XRCC4: variants seen among roughly 807,000 people sequenced by gnomAD.
The protein encoded by XRCC4 is X-ray repair cross complementing 4.
XRCC4 carries 28 observed loss-of-function variants against 39.1 expected under a neutral mutation model. That is an observed-to-expected ratio of 0.72 (90% CI 0.53 to 0.98). The LOEUF (loss-of-function observed/expected upper bound fraction) is 0.98. Ranked by LOEUF, XRCC4 falls within the 50% of genes least tolerant of loss-of-function variation. The pLI is 0.00. For missense variants in XRCC4, 350 were observed against 376.4 expected, an observed-to-expected ratio of 0.93 and a Z score of 0.58; for synonymous variants, 123 against 126.4, an observed-to-expected ratio of 0.97 and a Z score of 0.18.
chr5:83,165,887 C>CT (rs34887034), intron 3 of XRCC4, among the ~76,000 whole-genome samples: 9,848 of 125,740 alleles, frequency 0.078, 541 homozygotes, highest in Non-Finnish European at 0.12. Flanking sequence ...TTTTTTCTTT[C>CT]TTTTTTTTTT....
At chr5:83,243,825 G>A (rs1264517849) in intron 6 of XRCC4, among the ~76,000 whole-genome samples, 1 of 152,112 alleles carries the variant, frequency 6.6e-6, no homozygotes, top group Non-Finnish European at 1.5e-5. Flanking sequence ...GAGAAGGGAA[G>A]GACAAAACAG....
chr5:83,098,337 G>A lies in XRCC4; in HGVS notation c.-10-6573G>A, dbSNP rs181433585. On this transcript the variant is annotated intron_variant, in intron 1 of 7. Transcript: ENST00000396027. ...TAAGATTATGTTAGCAGTTATAACT[G>A]TATTTTACTACCTTATGGTGACTAA... is the stretch of plus-strand genomic sequence containing the variant. Among the ~76,000 whole-genome samples the A allele has an allele frequency of 2.4e-3, 371 of 152,202 alleles. 1 individual carries two copies. The highest frequency in any genetic ancestry group is 8.5e-3 in the African/African-American group (354 of 41,572).
At chr5:83,236,238 CA>C (rs1752682405) in intron 6 of XRCC4, among the ~76,000 whole-genome samples, 1 of 152,066 alleles carries the variant, frequency 6.6e-6, no homozygotes. Flanking sequence ...TGTAGAACCA[CA>C]AAAGACTATC....
At chr5:83,241,553 G>T (rs1752910883) in intron 6 of XRCC4, among the ~76,000 whole-genome samples, 1 of 151,914 alleles carries the variant, frequency 6.6e-6, no homozygotes, top group Admixed American at 6.6e-5. Flanking sequence ...AGATAAGAAG[G>T]TTCAAAACTT....
At chr5:83,186,283 G>A (rs527470676) in intron 3 of XRCC4, among the ~76,000 whole-genome samples, 5 of 152,232 alleles carry the variant, frequency 3.3e-5, no homozygotes, top group East Asian at 1.9e-4. Context: ...GGAGAAAACC[G>A]TGAATTTTGA....
In XRCC4 at chr5:83,111,065, G is replaced by A; in HGVS notation, c.177G>A (p.Met59Ile). 6.2e-7 allele frequency: 1 copy of A among 1,610,532 alleles called. No homozygotes were observed. The highest frequency in any genetic ancestry group is 2.2e-5 in the East Asian group (1 of 44,608). The change falls in exon 3 of 8, where the codon ATG becomes ATA. Residue 59 changes from methionine (M) to isoleucine (I), a missense_variant. Met to Ile is a conservative substitution (Grantham distance 10). Transcript: ENST00000396027. ...AGATTTCCCAAGAAGCTGATGACAT[G>A]GCAATGGAAAAAGGGAAATATGTTG... ...ESEISQEADD[M>I]AMEKGKYVGE...
At chr5:83,180,807 T>C (rs1580337095) in intron 3 of XRCC4, among the ~76,000 whole-genome samples, 1 of 152,154 alleles carries the variant, frequency 6.6e-6, no homozygotes, top group Non-Finnish European at 1.5e-5. Context: ...AAGAATACTT[T>C]TATATTCATT....
intron 1 of XRCC4, among the ~76,000 whole-genome samples, chr5:83,104,237 A>AT (rs373534234): frequency 5.3e-5 from 8 of 151,872 alleles, no homozygotes; most frequent in South Asian, 2.1e-4. Flanking sequence ...GGGTTGTGAG[A>AT]TTTTTTTTCC....
chr5:83,113,123 A>C (rs773792520), intron 3 of XRCC4, among the ~76,000 whole-genome samples: 1 of 152,230 alleles, frequency 6.6e-6, no homozygotes, highest in Non-Finnish European at 1.5e-5. Flanking sequence ...TACTTCCCAG[A>C]TACAATGAGG....
At chr5:83,262,120 T>C (rs1753774163) in intron 7 of XRCC4, among the ~76,000 whole-genome samples, 1 of 152,152 alleles carries the variant, frequency 6.6e-6, no homozygotes, top group South Asian at 2.1e-4. Flanking sequence ...TTATATGTTA[T>C]CTCTCATTTA....
At chr5:83,127,915 C>T (rs1362987862) in intron 3 of XRCC4, among the ~76,000 whole-genome samples, 1 of 149,614 alleles carries the variant, frequency 6.7e-6, no homozygotes, top group Non-Finnish European at 1.5e-5. Context: ...AAGAGCATTG[C>T]TCTGCCTTCT....
At chr5:83,177,182 C>T (rs1361735037) in intron 3 of XRCC4, among the ~76,000 whole-genome samples, 7 of 151,916 alleles carry the variant, frequency 4.6e-5, no homozygotes, top group Non-Finnish European at 1.0e-4. Context: ...GATTTTTGTT[C>T]CTTTATTTTG....
intron 1 of XRCC4, among the ~76,000 whole-genome samples, chr5:83,101,076 G>T (rs541407303): frequency 5.3e-5 from 8 of 152,056 alleles, no homozygotes; most frequent in African/African-American, 1.9e-4. Flanking sequence ...AATTGATGGG[G>T]CTATAAGGAT....
chr5:83,300,686 C>T (rs532284089), intron 7 of XRCC4, among the ~76,000 whole-genome samples: 5 of 151,376 alleles, frequency 3.3e-5, no homozygotes, highest in East Asian at 3.9e-4. Flanking sequence ...ACCCATCAAC[C>T]GGTCATCTAC....
chr5:83,083,863 A>G (rs536119562), intron 1 of XRCC4, among the ~76,000 whole-genome samples: 30 of 152,092 alleles, frequency 2.0e-4, no homozygotes, highest in South Asian at 1.2e-3. Context: ...TCACCTGACC[A>G]TTTCTCTTTA....
intron 3 of XRCC4, among the ~76,000 whole-genome samples, chr5:83,182,366 ATTAAT>A (rs1484730137): frequency 6.6e-6 from 1 of 152,160 alleles, no homozygotes; most frequent in African/African-American, 2.4e-5. Context: ...CTCTTGGTGT[ATTAAT>A]TTATCTTCTA....
At chr5:83,141,536 G>A (rs1221913875) in intron 3 of XRCC4, among the ~76,000 whole-genome samples, 1 of 151,964 alleles carries the variant, frequency 6.6e-6, no homozygotes, top group Non-Finnish European at 1.5e-5. Context: ...TGTTGTTTTA[G>A]TTTGCATTTT....
intron 6 of XRCC4, among the ~76,000 whole-genome samples, chr5:83,218,062 T>TATATATA (rs1554065873): frequency 0.035 from 5,149 of 147,552 alleles, 307 homozygotes; most frequent in African/African-American, 0.12. Flanking sequence ...TTTACCTTTT[T>TATATATA]TATATATATA....
At chr5:83,257,289 A>C (rs1192188842) in intron 6 of XRCC4, among the ~76,000 whole-genome samples, 2 of 150,894 alleles carry the variant, frequency 1.3e-5, no homozygotes, top group African/African-American at 4.9e-5. Flanking sequence ...CAATTTACCC[A>C]TCTGACAAAG....
Sources: allele counts gnomAD v4.1 joint callset (sites outside exome capture counted in the v4.1 genomes callset), GRCh38; gene constraint gnomAD v4.1.1; transcripts MANE v1.5; gene names NCBI Gene and HGNC (gene_info 2026-07-23, HGNC 2026-07-21).